Variants in TOX observed in about 807,000 individuals in gnomAD.
TOX encodes the protein thymocyte selection-associated high mobility group box protein TOX.
TOX carries 11 observed loss-of-function variants against 53.7 expected under a neutral mutation model. The observed-to-expected ratio is 0.20, with a 90% confidence interval of 0.13 to 0.34. The LOEUF (loss-of-function observed/expected upper bound fraction) is 0.34, where lower values mean the gene tolerates loss of function less well. Among genes scored for constraint, TOX ranks in the 10% least tolerant of loss-of-function variants. The pLI, the probability that TOX is intolerant of heterozygous loss-of-function variation, is 1.00. For missense variants in TOX, 570 were observed against 664.6 expected (o/e 0.86, Z 1.56); for synonymous variants, 225 against 245.3 (o/e 0.92, Z 0.77).
intron 4 of TOX, among the ~76,000 whole-genome samples, chr8:58,842,205 GAGACTGGGGTGAGTCAGC>G (rs887537073): frequency 1.2e-4 from 19 of 152,200 alleles, no homozygotes; most frequent in African/African-American, 1.9e-4. Flanking sequence ...GGTGAGTCAG[GAGACTGGGGTGAGTCAGC>G]AGACTGGGGT....
intron 3 of TOX, among the ~76,000 whole-genome samples, chr8:58,886,764 A>G (rs1198235725): frequency 6.6e-6 from 1 of 151,974 alleles, no homozygotes; most frequent in African/African-American, 2.4e-5. Context: ...GTAAGTAAGG[A>G]CAGCTTTACT....
chr8:58,849,247 A>C (rs917636986), intron 4 of TOX, among the ~76,000 whole-genome samples: 10 of 152,190 alleles, frequency 6.6e-5, no homozygotes, highest in Non-Finnish European at 1.3e-4. Flanking sequence ...AAATACACTT[A>C]AACTTAACAT....
chr8:59,091,727 T>A (rs1804610790), intron 1 of TOX, among the ~76,000 whole-genome samples: 1 of 152,126 alleles, frequency 6.6e-6, no homozygotes. Context: ...TAAATGACTT[T>A]CTTTCTCAGT....
intron 1 of TOX, among the ~76,000 whole-genome samples, chr8:59,026,976 G>A (rs1486799738): frequency 6.6e-6 from 1 of 151,894 alleles, no homozygotes; most frequent in East Asian, 1.9e-4. Flanking sequence ...GGAGAAGGGG[G>A]AGTGAAGAAG....
intron 3 of TOX, among the ~76,000 whole-genome samples, chr8:58,891,521 G>A (rs1053297343): frequency 2.0e-5 from 3 of 152,102 alleles, no homozygotes; most frequent in African/African-American, 7.2e-5. Flanking sequence ...AGCACAAAGG[G>A]TGAACAGTGG....
At chr8:59,018,417 A>G (rs1157522902) in intron 1 of TOX, among the ~76,000 whole-genome samples, 1 of 152,166 alleles carries the variant, frequency 6.6e-6, no homozygotes, top group Admixed American at 6.5e-5. Flanking sequence ...CTCAAGTTTT[A>G]TTTCAATATC....
chr8:58,905,595 G>T (rs1301715909), intron 3 of TOX, among the ~76,000 whole-genome samples: 6 of 152,194 alleles, frequency 3.9e-5, no homozygotes, highest in Non-Finnish European at 8.8e-5. Context: ...ACACTAGGCC[G>T]AAAAGTCCTC....
chr8:59,059,724 T>A lies in TOX; in HGVS notation c.102+59162A>T, dbSNP rs571065811. Among the ~76,000 whole-genome samples the A allele has an allele frequency of 1.2e-4, 19 of 152,304 alleles. 2 individuals are homozygous for A. The South Asian group carries it at 3.9e-3, about 32-fold the overall frequency. ...CTTGGCAAACAGTTAGTAAAATTATTCCCTACTTGATTTCCCTTATGTACA... is the reference window on the plus strand; with the variant it reads ...CTTGGCAAACAGTTAGTAAAATTATACCCTACTTGATTTCCCTTATGTACA... On this transcript the variant is annotated intron_variant, in intron 1 of 8. Coordinates refer to ENST00000361421, the MANE Select transcript of TOX (RefSeq NM_014729.3).
intron 1 of TOX, among the ~76,000 whole-genome samples, chr8:58,979,685 G>A (rs1408072174): frequency 1.3e-5 from 2 of 152,164 alleles, no homozygotes; most frequent in African/African-American, 4.8e-5. Flanking sequence ...GATGATTTTT[G>A]TCTTGTTTCT....
At chr8:59,073,903 A>G (rs16924565) in intron 1 of TOX, among the ~76,000 whole-genome samples, 2,418 of 152,322 alleles carry the variant, frequency 0.016, 60 homozygotes, top group African/African-American at 0.055. Context: ...TGCGGATATT[A>G]CGAAAAACAA....
intron 3 of TOX, among the ~76,000 whole-genome samples, chr8:58,925,486 C>A (rs1812142767): frequency 6.6e-6 from 1 of 152,208 alleles, no homozygotes; most frequent in Non-Finnish European, 1.5e-5. Context: ...CTGCTATTCA[C>A]AAGCATCTAT....
chr8:58,957,598 G>C (rs928127489), intron 2 of TOX, among the ~76,000 whole-genome samples: 16 of 152,160 alleles, frequency 1.1e-4, no homozygotes, highest in African/African-American at 3.1e-4. Context: ...ATCATTTCAA[G>C]TTTAGAATTA....
intron 1 of TOX, among the ~76,000 whole-genome samples, chr8:59,019,813 C>T (rs2129419294): frequency 6.6e-6 from 1 of 152,292 alleles, no homozygotes; most frequent in Non-Finnish European, 1.5e-5. Flanking sequence ...ATTATCATTT[C>T]ACTCGGTGAG....
At chr8:58,869,171 G>C (rs923923889) in intron 3 of TOX, among the ~76,000 whole-genome samples, 2 of 144,544 alleles carry the variant, frequency 1.4e-5, no homozygotes, top group African/African-American at 5.2e-5. Flanking sequence ...AGGTTGCAGT[G>C]AGCTGAGATT....
intron 3 of TOX, among the ~76,000 whole-genome samples, chr8:58,907,635 T>G (rs1361849050): frequency 2.0e-5 from 3 of 151,930 alleles, no homozygotes; most frequent in African/African-American, 7.3e-5. Flanking sequence ...GCACCAGGAA[T>G]GTTGTTTTCA....
At chr8:59,084,904 T>C (rs554483695) in intron 1 of TOX, among the ~76,000 whole-genome samples, 4 of 152,284 alleles carry the variant, frequency 2.6e-5, no homozygotes, top group African/African-American at 9.6e-5. Flanking sequence ...CAAACTAAAA[T>C]ACAATTTTCC....
At chr8:58,952,306 A>G (rs1812634751) in intron 2 of TOX, among the ~76,000 whole-genome samples, 1 of 152,228 alleles carries the variant, frequency 6.6e-6, no homozygotes, top group Non-Finnish European at 1.5e-5. Flanking sequence ...ACTAGCATAG[A>G]CAGGTGACAT....
At chr8:59,059,506 C>T (rs1803941697) in intron 1 of TOX, among the ~76,000 whole-genome samples, 1 of 152,062 alleles carries the variant, frequency 6.6e-6, no homozygotes, top group African/African-American at 2.4e-5. Flanking sequence ...AAATATATCT[C>T]CTCTGAACAA....
At chr8:58,878,904 TACAAAAATTAGCCAG>T (rs1351993629) in intron 3 of TOX, among the ~76,000 whole-genome samples, 2 of 151,452 alleles carry the variant, frequency 1.3e-5, no homozygotes. Flanking sequence ...CTACTAAAAA[TACAAAAATTAGCCAG>T]GTGTGGTGGC....
Sources: gnomAD v4.1 joint callset for allele counts (sites outside exome capture counted in the v4.1 genomes callset) on GRCh38, gnomAD v4.1.1 for gene constraint, MANE v1.5 for transcripts, NCBI Gene and HGNC (gene_info 2026-07-23, HGNC 2026-07-21) for gene names.